The following CTNNA2 variants were observed in gnomAD, a reference collection of about 807,000 sequenced individuals.
CTNNA2 encodes the protein catenin alpha 2.
CTNNA2 carries 42 observed loss-of-function variants against 101.0 expected under a neutral mutation model. The observed-to-expected ratio is 0.42, with a 90% CI of 0.32 to 0.54. The LOEUF (loss-of-function observed/expected upper bound fraction) is 0.54. Ranked by LOEUF, CTNNA2 falls within the 20% of genes least tolerant of loss-of-function variation. The pLI, the probability that CTNNA2 is intolerant of heterozygous loss-of-function variation, is 0.14. For synonymous variants in CTNNA2, 450 were observed against 456.4 expected (o/e 0.99, Z 0.18); for missense variants, 871 against 1,223.1 (o/e 0.71, Z 4.29).
intron 4 of CTNNA2, among the ~76,000 whole-genome samples, chr2:79,395,256 T>C (rs1678216711): frequency 6.6e-6 from 1 of 152,124 alleles, no homozygotes; most frequent in East Asian, 1.9e-4. Context: ...TTATTATTAT[T>C]ATACTTTAAG....
At chr2:80,089,630 A>G (rs1226453005) in intron 7 of CTNNA2, among the ~76,000 whole-genome samples, 1 of 152,086 alleles carries the variant, frequency 6.6e-6, no homozygotes, top group East Asian at 1.9e-4. Flanking sequence ...AAATTTATCT[A>G]GCGGTGAGCT....
intron 1 of CTNNA2, among the ~76,000 whole-genome samples, chr2:79,573,351 C>T (rs1224105977): frequency 1.3e-5 from 2 of 152,282 alleles, no homozygotes; most frequent in African/African-American, 4.8e-5. Context: ...TTCCTAGCCT[C>T]ATACCCAAAT....
intron 4 of CTNNA2, among the ~76,000 whole-genome samples, chr2:79,503,612 G>A (rs1671350464): frequency 6.6e-6 from 1 of 152,068 alleles, no homozygotes; most frequent in African/African-American, 2.4e-5. Context: ...ACAAATGTAG[G>A]ATGTTTCCAT....
intron 6 of CTNNA2, among the ~76,000 whole-genome samples, chr2:79,885,128 A>G (rs970359723): frequency 6.6e-6 from 1 of 152,144 alleles, no homozygotes; most frequent in South Asian, 2.1e-4. Flanking sequence ...AGGTTGCAGG[A>G]CCTTTGAGGG....
intron 2 of CTNNA2, among the ~76,000 whole-genome samples, chr2:79,719,909 T>C (rs1686366601): frequency 6.6e-6 from 1 of 152,200 alleles, no homozygotes; most frequent in Non-Finnish European, 1.5e-5. Flanking sequence ...AGGCCCCACT[T>C]GTCAATTTTT....
intron 3 of CTNNA2, among the ~76,000 whole-genome samples, chr2:79,851,504 C>T (rs1324111567): frequency 6.6e-6 from 1 of 152,074 alleles, no homozygotes; most frequent in East Asian, 1.9e-4. Flanking sequence ...GGTCAGTTTC[C>T]CTCACTAATG....
chr2:79,292,842 A>C (rs1487864492), intron 2 of CTNNA2: 2 of 152,254 alleles, frequency 1.3e-5, no homozygotes, highest in South Asian at 4.1e-4. Flanking sequence ...AGCATTTCTG[A>C]GTGGGGACAA....
intron 2 of CTNNA2, among the ~76,000 whole-genome samples, chr2:79,289,339 A>C (rs2104371218): frequency 6.6e-6 from 1 of 152,278 alleles, no homozygotes; most frequent in South Asian, 2.1e-4. Flanking sequence ...TCATAGGTAA[A>C]TATAGATTTA....
chr2:80,640,711 C>T (rs924984597), intron 18 of CTNNA2, among the ~76,000 whole-genome samples: 2 of 152,208 alleles, frequency 1.3e-5, no homozygotes, highest in African/African-American at 2.4e-5. Flanking sequence ...ATAATAGGCT[C>T]CAATGCTCTG....
intron 2 of CTNNA2, among the ~76,000 whole-genome samples, chr2:79,743,241 T>C (rs1191308443): frequency 6.6e-6 from 1 of 152,124 alleles, no homozygotes; most frequent in Non-Finnish European, 1.5e-5. Flanking sequence ...AACAGTTGCA[T>C]TCATTTCCCC....
chr2:80,010,186 C>T (rs1693673923), intron 7 of CTNNA2, among the ~76,000 whole-genome samples: 1 of 152,154 alleles, frequency 6.6e-6, no homozygotes, highest in South Asian at 2.1e-4. Flanking sequence ...TTCCCTCTTA[C>T]AAAGCCATGG....
intron 7 of CTNNA2, among the ~76,000 whole-genome samples, chr2:79,977,487 T>A (rs1263716314): frequency 3.3e-5 from 5 of 152,162 alleles, no homozygotes; most frequent in Admixed American, 2.0e-4. Context: ...CAACAGCACC[T>A]ATTTAGACTT....
intron 2 of CTNNA2, among the ~76,000 whole-genome samples, chr2:79,300,251 C>T (rs1197579265): frequency 6.6e-6 from 1 of 152,158 alleles, no homozygotes; most frequent in Non-Finnish European, 1.5e-5. Flanking sequence ...TTGCCTTTTC[C>T]AGAATGCCAT....
chr2:80,227,746 A>C (rs554052583), intron 7 of CTNNA2, among the ~76,000 whole-genome samples: 1 of 152,350 alleles, frequency 6.6e-6, no homozygotes, highest in African/African-American at 2.4e-5. Flanking sequence ...ATGAAGAAAC[A>C]TAGTGAAGAT....
intron 1 of CTNNA2, among the ~76,000 whole-genome samples, chr2:79,548,881 A>C (rs1478514192): frequency 1.3e-5 from 2 of 152,058 alleles, no homozygotes; most frequent in African/African-American, 2.4e-5. Context: ...AGCCTTCTCC[A>C]TGTCACTCTG....
At chr2:80,555,140 A>C (rs1306526545) in intron 11 of CTNNA2, among the ~76,000 whole-genome samples, 1 of 105,564 alleles carries the variant, frequency 9.5e-6, no homozygotes, top group Non-Finnish European at 1.9e-5. Context: ...ACATAATTTT[A>C]AAAGACCAAC....
At chr2:80,032,120 G>A (rs1354561408) in intron 7 of CTNNA2, among the ~76,000 whole-genome samples, 1 of 152,148 alleles carries the variant, frequency 6.6e-6, no homozygotes, top group African/African-American at 2.4e-5. Context: ...GAATGTATAA[G>A]GAGACCAAGG....
intron 2 of CTNNA2, among the ~76,000 whole-genome samples, chr2:79,258,002 T>A (rs1674870862): frequency 1.3e-5 from 2 of 152,260 alleles, no homozygotes; most frequent in African/African-American, 4.8e-5. Context: ...TCTGCCTCTG[T>A]CTTCACATGG....
At chr2:79,668,712 C>T (rs1406941747) in intron 2 of CTNNA2, among the ~76,000 whole-genome samples, 1 of 152,138 alleles carries the variant, frequency 6.6e-6, no homozygotes, top group African/African-American at 2.4e-5. Context: ...CACAGTGTCA[C>T]CAAGTTAAGT....
Sources: allele counts gnomAD v4.1 joint callset (sites outside exome capture counted in the v4.1 genomes callset), GRCh38; gene constraint gnomAD v4.1.1; transcripts MANE v1.5; gene names NCBI Gene and HGNC (gene_info 2026-07-23, HGNC 2026-07-21).